Variants in RNF152 observed in about 807,000 individuals in gnomAD.
The protein encoded by RNF152 is ring finger protein 152.
In RNF152, 11 loss-of-function variants were observed where a neutral mutation model predicts 12.7. The observed-to-expected ratio is 0.86, with a 90% confidence interval of 0.54 to 1.43. The LOEUF (loss-of-function observed/expected upper bound fraction) is 1.43. Ranked by LOEUF, RNF152 falls within the 40% of genes most tolerant of loss-of-function variation. The pLI, the probability that RNF152 is intolerant of heterozygous loss-of-function variation, is 0.00. For synonymous variants in RNF152, 113 were observed against 120.3 expected (o/e 0.94, Z 0.40); for missense variants, 255 against 274.8 (o/e 0.93, Z 0.51).
chr18:61,863,930 C>T (rs13381863), intron 1 of RNF152, among the ~76,000 whole-genome samples: 68,078 of 152,006 alleles, frequency 0.45, 15,299 homozygotes, highest in Non-Finnish European at 0.48. Context: ...CCGCTCTAAT[C>T]GGCTGCCTTT....
Position 61,808,682 on chromosome 18 carries a change from A to G in RNF152, c.*7170T>C, listed in dbSNP as rs1373644532. 1.3e-5 allele frequency: 2 copies of G among 152,212 alleles called. No individual in the cohort carries two copies. The highest frequency in any genetic ancestry group is 1.5e-5 in the Non-Finnish European group (1 of 68,042). 9.4% of individuals were successfully genotyped at this position (152,212 alleles called of 1,614,324 possible). On this transcript the variant is annotated 3_prime_UTR_variant, in exon 2 of 2. Coordinates refer to ENST00000312828, the MANE Select transcript of RNF152 (RefSeq NM_173557.3). ...AAACACAAACAAGTGGTGAAATGAA[A>G]AAATATATGACGGCAACCAGGATAT...
rs4362478 is a variant in RNF152, at chr18:61,816,077, G to A, written c.387C>T (p.Ser129=). ...CAGCAGGGATGGTCACCACGGTGAC[G>A]GACTTCTGCTGGCTCCCGGGCAGCA... is the stretch of plus-strand genomic sequence containing the variant. ...CRLLPGSQQK[S]VTVVTIPAEQ... is the part of the protein sequence containing the mutation. Residue 129 remains serine (S), a synonymous_variant, in exon 2 of 2, where the codon TCC becomes TCT. Transcript: ENST00000312828. 0.062 allele frequency: 99,399 copies of A among 1,614,120 alleles called. 3,607 individuals are homozygous for A. The highest frequency in any genetic ancestry group is 0.071 in the Non-Finnish European group (83,364 of 1,180,008).
intron 1 of RNF152, among the ~76,000 whole-genome samples, chr18:61,819,334 G>C (rs2144620246): frequency 6.6e-6 from 1 of 152,356 alleles, no homozygotes; most frequent in Middle Eastern, 3.4e-3. Context: ...GCAGCCCCCA[G>C]TGCCAGGCCA....
chr18:61,824,145 T>C (rs1376872484), intron 1 of RNF152, among the ~76,000 whole-genome samples: 1 of 152,260 alleles, frequency 6.6e-6, no homozygotes, highest in Non-Finnish European at 1.5e-5. Flanking sequence ...CAGTGAGTGA[T>C]GATAACTACT....
chr18:61,817,173 G>A lies in RNF152; in HGVS notation c.-135-575C>T, dbSNP rs115676976. ...AAGTGACACTGCAGAAGAAGCACAC[G>A]AAGGCATCTTTCATCTTTCCCAACA... is the stretch of plus-strand genomic sequence containing the variant. On this transcript the variant is annotated intron_variant, in intron 1 of 1. Transcript: ENST00000312828. 7.5e-3 allele frequency among the ~76,000 whole-genome samples: 1,135 copies of A among 152,290 alleles called. 13 individuals are homozygous for A. The highest frequency in any genetic ancestry group is 0.026 in the African/African-American group (1,082 of 41,560).
intron 1 of RNF152, among the ~76,000 whole-genome samples, chr18:61,847,031 G>A (rs566668825): frequency 6.6e-6 from 1 of 152,270 alleles, no homozygotes; most frequent in East Asian, 1.9e-4. Flanking sequence ...ATGGGGGTAA[G>A]TAGCAAGGTA....
At chr18:61,833,001 A>G (rs571857365) in intron 1 of RNF152, among the ~76,000 whole-genome samples, 1 of 152,334 alleles carries the variant, frequency 6.6e-6, no homozygotes, top group Admixed American at 6.5e-5. Flanking sequence ...AAAGCAGAAG[A>G]AACAGTAAGG....
rs1319620558 is a variant in RNF152, at chr18:61,813,951, C to T, written c.*1901G>A. 1 of 152,034 alleles carries T rather than the reference C, an allele frequency of 6.6e-6. No homozygotes were observed. Among genetic ancestry groups the T allele is most frequent in the Non-Finnish European group, 1.5e-5 (1 of 67,998 alleles). The allele number at this position is 152,034 out of a possible 1,614,324, so 9.4% of individuals were successfully genotyped here. A position where few individuals can be genotyped will look rare whatever the true frequency, so the allele number is the denominator to read the frequency against. On this transcript the variant is annotated 3_prime_UTR_variant, in exon 2 of 2. Coordinates refer to ENST00000312828, the MANE Select transcript of RNF152 (RefSeq NM_173557.3). The stretch of plus-strand genomic sequence containing the variant: ...TAATATGACACCTAAATTATTAATA[C>T]CAAATAAATCCTAGATTATTTGTTG...
intron 1 of RNF152, among the ~76,000 whole-genome samples, chr18:61,876,737 A>C (rs1912230989): frequency 6.6e-6 from 1 of 152,126 alleles, no homozygotes; most frequent in Non-Finnish European, 1.5e-5. Flanking sequence ...CATTAATAGA[A>C]CCGTCTACTC....
chr18:61,868,279 T>C (rs1472570314), intron 1 of RNF152, among the ~76,000 whole-genome samples: 1 of 152,232 alleles, frequency 6.6e-6, no homozygotes, highest in Non-Finnish European at 1.5e-5. Context: ...CTTTTCCTCC[T>C]AGCTTATTCC....
chr18:61,878,314 G>C (rs1262169441), intron 1 of RNF152, among the ~76,000 whole-genome samples: 2 of 152,134 alleles, frequency 1.3e-5, no homozygotes, highest in Non-Finnish European at 2.9e-5. Flanking sequence ...CACTGCACAG[G>C]ACGGTCTTCC....
In RNF152 at chr18:61,823,841, G is replaced by A. The variant is rs75151951; in HGVS notation, c.-135-7243C>T. ...CACTAGGTCAACTGTGGGCCCAATT[G>A]GCCTGGCTGCAGCCTAGGTGCTGTC... On this transcript the variant is annotated intron_variant, in intron 1 of 1. Transcript: ENST00000312828. Among the ~76,000 whole-genome samples the A allele has an allele frequency of 8.7e-3, 1,320 of 152,294 alleles. 12 individuals carry two copies. The highest frequency in any genetic ancestry group is 0.031 in the African/African-American group (1,276 of 41,564).
At chr18:61,822,319 T>C (rs908347691) in intron 1 of RNF152, among the ~76,000 whole-genome samples, 2 of 152,146 alleles carry the variant, frequency 1.3e-5, no homozygotes, top group Non-Finnish European at 2.9e-5. Context: ...GAACAATATA[T>C]AGATAAACAA....
In RNF152 at chr18:61,816,366, G is replaced by C; in HGVS notation, c.98C>G (p.Thr33Ser). 1 of 1,614,224 alleles carries C rather than the reference G, an allele frequency of 6.2e-7. No homozygotes were observed. Among genetic ancestry groups the C allele is most frequent in the Non-Finnish European group, 8.5e-7 (1 of 1,180,036 alleles). ...RRPKLLDCKH[T>S]CCSVCLQQMR... Reference sequence around the variant, plus strand: ...CTGCTGCAGGCACACTGAACAGCAGGTGTGCTTGCAGTCCAGCAACTTGGG... The same window carrying C: ...CTGCTGCAGGCACACTGAACAGCAGCTGTGCTTGCAGTCCAGCAACTTGGG... Residue 33 changes from threonine (T) to serine (S), a missense_variant, in exon 2 of 2, where the codon ACC becomes AGC. Physicochemically the swap from Thr to Ser is moderately conservative, Grantham distance 58. Transcript: ENST00000312828.
intron 1 of RNF152, among the ~76,000 whole-genome samples, chr18:61,819,184 T>C (rs1356618474): frequency 1.3e-5 from 2 of 152,202 alleles, no homozygotes; most frequent in African/African-American, 4.8e-5. Context: ...TTACAGTCTC[T>C]GATACAGATG....
intron 1 of RNF152, among the ~76,000 whole-genome samples, chr18:61,866,252 G>A (rs575634199): frequency 8.5e-5 from 13 of 152,176 alleles, no homozygotes; most frequent in African/African-American, 2.4e-4. Context: ...TCTAGACAGC[G>A]AGTCGGGCCC....
At chr18:61,864,347 G>A (rs1226368167) in intron 1 of RNF152, among the ~76,000 whole-genome samples, 1 of 152,180 alleles carries the variant, frequency 6.6e-6, no homozygotes, top group East Asian at 1.9e-4. Flanking sequence ...GAGAATGGCT[G>A]GCAGAACTCA....
At chr18:61,818,457 A>G (rs1909222529) in intron 1 of RNF152, among the ~76,000 whole-genome samples, 1 of 152,162 alleles carries the variant, frequency 6.6e-6, no homozygotes, top group Non-Finnish European at 1.5e-5. Flanking sequence ...AAAAACAAGA[A>G]AAAGCAAACC....
intron 1 of RNF152, among the ~76,000 whole-genome samples, chr18:61,859,467 G>C (rs1301297883): frequency 6.6e-6 from 1 of 152,242 alleles, no homozygotes; most frequent in Non-Finnish European, 1.5e-5. Flanking sequence ...TTCCCATGCA[G>C]AGCAGGAGAT....
Sources: allele counts gnomAD v4.1 joint callset (sites outside exome capture counted in the v4.1 genomes callset), GRCh38; gene constraint gnomAD v4.1.1; transcripts MANE v1.5; gene names NCBI Gene and HGNC (gene_info 2026-07-23, HGNC 2026-07-21).